Variants in RSBN1 observed in about 807,000 individuals in gnomAD.
The protein encoded by RSBN1 is round spermatid basic protein 1, also known as lysine-specific demethylase 9.
Under a neutral mutation model 74.8 loss-of-function variants are expected in RSBN1, and 23 were observed. That is an observed-to-expected ratio of 0.31 (90% CI 0.22 to 0.44). The LOEUF (loss-of-function observed/expected upper bound fraction) is 0.44. Among genes scored for constraint, RSBN1 ranks in the 20% least tolerant of loss-of-function variants. RSBN1 has a pLI of 1.00. For missense variants in RSBN1, 808 were observed against 1,020.9 expected (o/e 0.79, Z 2.84); for synonymous variants, 407 against 379.6 (o/e 1.07, Z -0.84).
In RSBN1 at chr1:113,797,669, G is replaced by A; in HGVS notation, c.1071C>T (p.Ser357=). Residue 357 remains serine (S), a synonymous_variant, in exon 2 of 7, where the codon AGC becomes AGT. Coordinates refer to ENST00000261441, the MANE Select transcript of RSBN1 (RefSeq NM_018364.5). ...RNFLKTGTKF[S]NFIHEEHQSN... is the part of the protein sequence containing the mutation. ...ACTGGTGTTCCTCATGAATAAAGTTGCTAAATTTAGTACCTGTTTTTAAGA... is the reference window on the plus strand; with the variant it reads ...ACTGGTGTTCCTCATGAATAAAGTTACTAAATTTAGTACCTGTTTTTAAGA... 6.2e-7 allele frequency: 1 copy of A among 1,614,044 alleles called. No individual in the cohort carries two copies. Among genetic ancestry groups the A allele is most frequent in the South Asian group, 1.1e-5 (1 of 91,082 alleles).
intron 1 of RSBN1, among the ~76,000 whole-genome samples, chr1:113,804,872 C>A (rs1251222158): frequency 1.4e-5 from 2 of 145,554 alleles, no homozygotes; most frequent in Admixed American, 6.9e-5. Flanking sequence ...GGAACACTTA[C>A]ACTCGGTGAT....
Position 113,762,968 on chromosome 1 carries a change from A to G in RSBN1, c.*3012T>C, listed in dbSNP as rs1252763890. On this transcript the variant is annotated 3_prime_UTR_variant, in exon 7 of 7. Transcript: ENST00000261441. ...AAAATAATAAAAGTACCAGTTAAAC[A>G]AATTCTAAGTACTGAATAAGCAAAT... 2 of 152,782 alleles carry G rather than the reference A, an allele frequency of 1.3e-5. No homozygotes were observed. The highest frequency in any genetic ancestry group is 4.8e-5 in the African/African-American group (2 of 41,450). 9.5% of individuals were successfully genotyped at this position (152,782 alleles called of 1,614,324 possible).
At chr1:113,773,113 A>T (rs1233702218) in intron 4 of RSBN1, among the ~76,000 whole-genome samples, 2 of 152,188 alleles carry the variant, frequency 1.3e-5, no homozygotes, top group Admixed American at 6.5e-5. Flanking sequence ...TAATAGTCAT[A>T]ATATATATGG....
intron 4 of RSBN1, among the ~76,000 whole-genome samples, chr1:113,772,151 G>A (rs936036947): frequency 6.6e-6 from 1 of 152,072 alleles, no homozygotes; most frequent in African/African-American, 2.4e-5. Flanking sequence ...GACAAGGCAT[G>A]TAAGACCTAA....
intron 2 of RSBN1, among the ~76,000 whole-genome samples, chr1:113,793,677 C>CTTTTTTTTTTTTTT (rs10707246): frequency 6.8e-6 from 1 of 146,526 alleles, no homozygotes. Flanking sequence ...CCTAAGAGTT[C>CTTTTTTTTTTTTTT]TTTTTTTTTT....
intron 4 of RSBN1, among the ~76,000 whole-genome samples, chr1:113,772,227 G>C (rs1250029221): frequency 6.6e-6 from 1 of 152,042 alleles, no homozygotes; most frequent in African/African-American, 2.4e-5. Context: ...ACTGAAAGAA[G>C]AAATGAGGAG....
chr1:113,789,242 T>C (rs1660317968), intron 2 of RSBN1, among the ~76,000 whole-genome samples: 1 of 152,060 alleles, frequency 6.6e-6, no homozygotes, highest in South Asian at 2.1e-4. Flanking sequence ...GCCTACATAA[T>C]GAAGGCTTCA....
chr1:113,768,132 T>A, intron 5 of RSBN1, 90 bp downstream of exon 5: 1 of 1,155,142 alleles, frequency 8.7e-7, no homozygotes, highest in Non-Finnish European at 1.2e-6. Context: ...TTTACCACAA[T>A]TTAAAAAACT....
intron 1 of RSBN1, 127 bp from the exon 2 acceptor site, chr1:113,798,163 GT>G: frequency 1.3e-6 from 1 of 755,758 alleles, no homozygotes; most frequent in Non-Finnish European, 2.1e-6. Context: ...CAACTTACGT[GT>G]TTAGAAAACA....
At position 113,766,199 on chromosome 1, in the gene RSBN1, T is replaced by C; in HGVS notation, c.2190A>G (p.Leu730=). The change falls in exon 7 of 7, where the codon TTA becomes TTG. Residue 730 remains leucine (L), a synonymous_variant. Transcript: ENST00000261441. ...TCCTCACACATTGGGAGTCAACTTC[T>C]AATTCTCGCTTTCCAGTTAAACCAC... ...MDCGLTGKRE[L]EVDSQCVRIK... 6.2e-7 allele frequency: 1 copy of C among 1,614,146 alleles called. No individual in the cohort carries two copies. Among genetic ancestry groups the C allele is most frequent in the Non-Finnish European group, 8.5e-7 (1 of 1,179,976 alleles).
intron 4 of RSBN1, among the ~76,000 whole-genome samples, chr1:113,770,098 C>A (rs1371079079): frequency 6.6e-6 from 1 of 152,146 alleles, no homozygotes; most frequent in African/African-American, 2.4e-5. Context: ...CTCATTTCCC[C>A]TGACAGTGAC....
intron 2 of RSBN1, among the ~76,000 whole-genome samples, chr1:113,794,423 A>C (rs1439400152): frequency 1.3e-5 from 2 of 152,220 alleles, no homozygotes; most frequent in Non-Finnish European, 1.5e-5. Context: ...ACTTTTTAAA[A>C]GCATGTCATC....
At position 113,770,878 on chromosome 1, in the gene RSBN1, G is replaced by A. The variant is rs1659873841; in HGVS notation, c.1659-2489C>T. On this transcript the variant is annotated intron_variant, in intron 4 of 6. Coordinates refer to ENST00000261441, the MANE Select transcript of RSBN1 (RefSeq NM_018364.5). ...AAAGCAAAAAGATAATAGGAAATAT[G>A]AGGACCATCAAACCAGGAGCTCTAT... 2.6e-5 allele frequency among the ~76,000 whole-genome samples: 4 copies of A among 152,238 alleles called. No individual in the cohort carries two copies. In the South Asian group the frequency reaches 8.3e-4, roughly 32 times the overall value.
At chr1:113,784,867 G>A (rs1352534511) in intron 2 of RSBN1, among the ~76,000 whole-genome samples, 1 of 152,168 alleles carries the variant, frequency 6.6e-6, no homozygotes, top group Non-Finnish European at 1.5e-5. Flanking sequence ...AGTGAGTGGT[G>A]AGTGAATGTG....
chr1:113,810,471 A>G (rs1342582900), intron 1 of RSBN1, among the ~76,000 whole-genome samples: 1 of 152,196 alleles, frequency 6.6e-6, no homozygotes, highest in Non-Finnish European at 1.5e-5. Context: ...AGATCATTGC[A>G]TATTGGTGGT....
rs1557993192 is a variant in RSBN1, at chr1:113,765,992, GGTT to G, written c.2394_2396del (p.Thr800del). ...GAATATGTACATATCACACAGAAGT[GGTT>G]GAATGTTCTTGCAGATTGTGTTGCT... On this transcript the variant is annotated inframe_deletion, in exon 7 of 7. Coordinates refer to ENST00000261441, the MANE Select transcript of RSBN1 (RefSeq NM_018364.5). 6.2e-7 allele frequency: 1 copy of G among 1,611,728 alleles called. No homozygotes were observed.
intron 2 of RSBN1, among the ~76,000 whole-genome samples, chr1:113,789,880 A>T (rs1571303963): frequency 6.6e-6 from 1 of 152,240 alleles, no homozygotes; most frequent in African/African-American, 2.4e-5. Flanking sequence ...GTAGAGTTAG[A>T]TGTATCAAAA....
At chr1:113,772,317 C>T (rs1659899538) in intron 4 of RSBN1, among the ~76,000 whole-genome samples, 1 of 151,874 alleles carries the variant, frequency 6.6e-6, no homozygotes, top group Non-Finnish European at 1.5e-5. Context: ...ACCAAAAAAT[C>T]AAAACCTGTA....
chr1:113,812,301 C>A lies in RSBN1; in HGVS notation c.112G>T (p.Val38Phe). The change falls in exon 1 of 7, where the codon GTC (valine) becomes TTC (phenylalanine). Residue 38 changes from valine (V) to phenylalanine (F), a missense_variant. Physicochemically the swap from Val to Phe is conservative, Grantham distance 50. Coordinates refer to ENST00000261441, the MANE Select transcript of RSBN1 (RefSeq NM_018364.5). ...ALARCADGGA[V>F]GPFKCVFVGE... ...ACAAACACACATTTAAATGGCCCGA[C>A]CGCCCCCCCGTCCGCGCATCGCGCA... 6.2e-7 allele frequency: 1 copy of A among 1,604,250 alleles called. No individual in the cohort carries two copies. Among genetic ancestry groups the A allele is most frequent in the Non-Finnish European group, 8.5e-7 (1 of 1,179,816 alleles).
Sources: gnomAD v4.1 joint callset for allele counts (sites outside exome capture counted in the v4.1 genomes callset) on GRCh38, gnomAD v4.1.1 for gene constraint, MANE v1.5 for transcripts, NCBI Gene and HGNC (gene_info 2026-07-23, HGNC 2026-07-21) for gene names.